The following USP37 variants were observed in gnomAD, a reference collection of about 807,000 sequenced individuals.
USP37 encodes ubiquitin carboxyl-terminal hydrolase 37.
Under a neutral mutation model 124.0 loss-of-function variants are expected in USP37, and 27 were observed. The observed-to-expected ratio is 0.22, with a 90% CI of 0.16 to 0.30. The LOEUF (loss-of-function observed/expected upper bound fraction) is 0.30, where lower values mean the gene tolerates loss of function less well. Among genes scored for constraint, USP37 ranks in the 10% least tolerant of loss-of-function variants. The pLI is 1.00. For missense variants in USP37, 889 were observed against 1,140.4 expected, an observed-to-expected ratio of 0.78 and a Z score of 3.17; for synonymous variants, 365 against 388.0, an observed-to-expected ratio of 0.94 and a Z score of 0.70.
At position 218,485,741 on chromosome 2, in the gene USP37, G is replaced by A. The variant is rs778271828; in HGVS notation, c.1593C>T (p.Ala531=). The change falls in exon 16 of 26, where the codon GCC becomes GCT. Residue 531 remains alanine (A), a splice_region_variant and synonymous_variant. Transcript: ENST00000258399. Reference sequence around the variant, plus strand: ...TCTCACAAGAATACTCCAGTTCTTCGGCCTATAAAAAGAAGGAAAAATAAA... The same window carrying A: ...TCTCACAAGAATACTCCAGTTCTTCAGCCTATAAAAAGAAGGAAAAATAAA... ...IQDSLDLFFR[A]EELEYSCEKC... 1.9e-6 allele frequency: 3 copies of A among 1,607,842 alleles called. No individual in the cohort carries two copies. The highest frequency in any genetic ancestry group is 1.3e-5 in the African/African-American group (1 of 74,432).
intron 15 of USP37, 112 bp from the exon 16 acceptor site, chr2:218,485,855 C>T (rs1382641232): frequency 5.8e-6 from 7 of 1,203,944 alleles, no homozygotes; most frequent in Non-Finnish European, 8.2e-6. Flanking sequence ...AACTCTGAAC[C>T]AGTTTTAAAA....
In USP37 at chr2:218,451,086, T is replaced by C. The variant is rs1438742734; in HGVS notation, c.*3844A>G. On this transcript the variant is annotated 3_prime_UTR_variant, in exon 26 of 26. Transcript: ENST00000258399. ...AAAAAATATATATTTTTTCAGATGT[T>C]AATAAGACATATCAGTAGAGACAAA... The C allele has an allele frequency of 6.6e-6, 1 of 152,186 alleles. No homozygotes were observed. The highest frequency in any genetic ancestry group is 1.5e-5 in the Non-Finnish European group (1 of 68,038). 9.4% of individuals were successfully genotyped at this position (152,186 alleles called of 1,614,324 possible).
intron 11 of USP37, among the ~76,000 whole-genome samples, chr2:218,507,299 A>C (rs541384794): frequency 2.0e-5 from 3 of 151,870 alleles, no homozygotes; most frequent in Non-Finnish European, 4.4e-5. Flanking sequence ...CTGGGATTAC[A>C]AGCTTGTGCC....
chr2:218,503,362 C>A (rs1041615953), intron 11 of USP37, among the ~76,000 whole-genome samples: 1 of 152,216 alleles, frequency 6.6e-6, no homozygotes, highest in East Asian at 1.9e-4. Context: ...CTACACGGTA[C>A]GTGAATTTTT....
At chr2:218,467,360 T>C (rs1574843757) in intron 20 of USP37, among the ~76,000 whole-genome samples, 1 of 151,338 alleles carries the variant, frequency 6.6e-6, no homozygotes, top group Admixed American at 6.6e-5. Context: ...TCTATCTATT[T>C]TTTTTTGAGA....
intron 14 of USP37, among the ~76,000 whole-genome samples, chr2:218,489,831 T>G (rs1691822988): frequency 3.3e-5 from 5 of 152,200 alleles, no homozygotes; most frequent in Admixed American, 3.3e-4. Flanking sequence ...CTGCCTGTTT[T>G]TGAACCTTTT....
intron 10 of USP37, among the ~76,000 whole-genome samples, chr2:218,523,091 C>T (rs1574921461): frequency 6.6e-6 from 1 of 152,144 alleles, no homozygotes; most frequent in East Asian, 1.9e-4. Context: ...GCATGGCCAA[C>T]ATGGTGAAAC....
intron 15 of USP37, 80 bp from the exon 16 acceptor site, chr2:218,485,823 T>C: frequency 7.0e-7 from 1 of 1,424,382 alleles, no homozygotes; most frequent in Non-Finnish European, 9.7e-7. Flanking sequence ...TCTAGTCTTA[T>C]TAGTTCCATT....
intron 3 of USP37, among the ~76,000 whole-genome samples, chr2:218,560,496 T>C (rs1295155816): frequency 6.6e-6 from 1 of 152,232 alleles, no homozygotes. Flanking sequence ...ATGGAATTAA[T>C]GTCTGTTTTC....
chr2:218,498,689 T>G (rs1341790962), intron 11 of USP37, among the ~76,000 whole-genome samples: 2 of 152,134 alleles, frequency 1.3e-5, no homozygotes, highest in Non-Finnish European at 2.9e-5. Flanking sequence ...ATTGTGCCAT[T>G]GCACTCCAGC....
chr2:218,490,764 T>C (rs569494212), intron 14 of USP37, among the ~76,000 whole-genome samples: 1 of 152,318 alleles, frequency 6.6e-6, no homozygotes, highest in Middle Eastern at 3.4e-3. Flanking sequence ...TATGATGATG[T>C]TATTTTACCT....
At position 218,454,788 on chromosome 2, in the gene USP37, A is replaced by G; in HGVS notation, c.*142T>C. On this transcript the variant is annotated 3_prime_UTR_variant, in exon 26 of 26. Transcript: ENST00000258399. ...GCATGGAGCATTCTACGTTACTCCA[A>G]TTTTTGTCTTTTGGTTTGGCCCTGA... 6.8e-7 allele frequency: 1 copy of G among 1,467,940 alleles called. No individual in the cohort carries two copies. The highest frequency in any genetic ancestry group is 2.6e-5 in the Admixed American group (1 of 37,750). 90.9% of individuals were successfully genotyped at this position (1,467,940 alleles called of 1,614,324 possible).
chr2:218,544,420 TATATATATATAGAGAG>T (rs1205312916), intron 8 of USP37, among the ~76,000 whole-genome samples: 4 of 53,344 alleles, frequency 7.5e-5, no homozygotes, highest in Non-Finnish European at 1.3e-4. Context: ...TATATATATA[TATATATATATAGAGAG>T]AGAGAGAGAG....
intron 8 of USP37, among the ~76,000 whole-genome samples, chr2:218,543,883 G>T (rs1039270397): frequency 6.6e-6 from 1 of 151,946 alleles, no homozygotes; most frequent in Non-Finnish European, 1.5e-5. Flanking sequence ...AAAATTGTCT[G>T]GTAATTTGAA....
intron 10 of USP37, among the ~76,000 whole-genome samples, chr2:218,516,238 A>G (rs1440571632): frequency 1.3e-5 from 2 of 152,186 alleles, no homozygotes; most frequent in African/African-American, 2.4e-5. Flanking sequence ...ACATGCACAC[A>G]TAAGTTTATT....
chr2:218,473,608 C>T (rs1340983801), intron 20 of USP37, among the ~76,000 whole-genome samples: 1 of 151,976 alleles, frequency 6.6e-6, no homozygotes, highest in Admixed American at 6.6e-5. Context: ...GATCTTGGGG[C>T]TATCAAGAGA....
intron 10 of USP37, among the ~76,000 whole-genome samples, chr2:218,527,588 A>G (rs1691053074): frequency 6.6e-6 from 1 of 152,132 alleles, no homozygotes; most frequent in Non-Finnish European, 1.5e-5. Flanking sequence ...CACTAAAAAG[A>G]TTTCTTTCCT....
intron 4 of USP37, among the ~76,000 whole-genome samples, chr2:218,556,648 G>A (rs1264058844): frequency 6.6e-6 from 1 of 151,390 alleles, no homozygotes; most frequent in Admixed American, 6.6e-5. Context: ...CGAGTAGCTG[G>A]GAATACAGGT....
intron 24 of USP37, among the ~76,000 whole-genome samples, chr2:218,456,463 A>T (rs553883686): frequency 6.7e-6 from 1 of 149,178 alleles, no homozygotes; most frequent in East Asian, 2.0e-4. Context: ...TGTCTCTTGA[A>T]AAAAAAAAAA....
Sources: allele counts gnomAD v4.1 joint callset (sites outside exome capture counted in the v4.1 genomes callset), GRCh38; gene constraint gnomAD v4.1.1; transcripts MANE v1.5; gene names NCBI Gene and HGNC (gene_info 2026-07-23, HGNC 2026-07-21).